Variants in KIRREL3 observed in about 807,000 individuals in gnomAD.
The protein encoded by KIRREL3 is kirre like nephrin family adhesion molecule 3.
In KIRREL3, 36 loss-of-function variants were observed where a neutral mutation model predicts 89.7. The ratio of observed to expected loss-of-function variants is 0.40; its 90% confidence interval spans 0.31 to 0.53. The LOEUF is 0.53. Ranked by LOEUF, KIRREL3 falls within the 20% of genes least tolerant of loss-of-function variation. The pLI is 0.49. For missense variants in KIRREL3, 864 were observed against 1,056.6 expected (o/e 0.82, Z 2.53); for synonymous variants, 445 against 441.4 (o/e 1.01, Z -0.10).
intron 1 of KIRREL3, among the ~76,000 whole-genome samples, chr11:126,926,525 G>A (rs950412918): frequency 2.6e-5 from 4 of 152,178 alleles, no homozygotes; most frequent in African/African-American, 9.7e-5. Context: ...CTGGTACTAT[G>A]AGGGGTGACT....
At chr11:126,738,333 G>A (rs914519361) in intron 1 of KIRREL3, among the ~76,000 whole-genome samples, 1 of 152,030 alleles carries the variant, frequency 6.6e-6, no homozygotes, top group South Asian at 2.1e-4. Flanking sequence ...GCAGGTGAGC[G>A]CTCTCTTGCT....
At chr11:126,932,785 C>A (rs972095792) in intron 1 of KIRREL3, among the ~76,000 whole-genome samples, 1 of 152,198 alleles carries the variant, frequency 6.6e-6, no homozygotes, top group South Asian at 2.1e-4. Flanking sequence ...ATTGTAATTG[C>A]TTGAGATTTC....
intron 4 of KIRREL3, among the ~76,000 whole-genome samples, chr11:126,511,251 G>A (rs904061546): frequency 6.6e-6 from 1 of 152,008 alleles, no homozygotes; most frequent in Non-Finnish European, 1.5e-5. Context: ...TTGAACCTGG[G>A]AGGCAGAGGT....
At chr11:126,534,930 G>T (rs1458381594) in intron 2 of KIRREL3, among the ~76,000 whole-genome samples, 2 of 152,192 alleles carry the variant, frequency 1.3e-5, no homozygotes, top group Non-Finnish European at 2.9e-5. Context: ...GTCCTGATGG[G>T]CCACGTGGCG....
chr11:126,704,039 C>G lies in KIRREL3; in HGVS notation c.56-141127G>C, dbSNP rs559307342. Among the ~76,000 whole-genome samples the G allele has an allele frequency of 6.6e-6, 1 of 152,154 alleles. No individual in the cohort carries two copies. Among genetic ancestry groups the G allele is most frequent in the Non-Finnish European group, 1.5e-5 (1 of 68,020 alleles). ...GATGTTGCTACCAGAATCATTCCCC[C>G]CTTCTCTTATTTATATACACTCACA... is the stretch of plus-strand genomic sequence containing the variant. On this transcript the variant is annotated intron_variant, in intron 1 of 16. Coordinates refer to ENST00000525144, the MANE Select transcript of KIRREL3 (RefSeq NM_032531.4). This position sits in a 1 kb window ranked among gnomAD's most constrained non-coding sequence, Gnocchi z 4.2.
rs545619704 is a variant in KIRREL3 at position 126,569,670 on chromosome 11, T to C, written c.56-6758A>G. Among the ~76,000 whole-genome samples the C allele has an allele frequency of 6.6e-6, 1 of 152,332 alleles. No individual in the cohort carries two copies. The highest frequency in any genetic ancestry group is 2.1e-4 in the South Asian group (1 of 4,830). The stretch of plus-strand genomic sequence containing the variant: ...AGGCAGCACGCAAGTTATTTCTGCA[T>C]GAATGGCAATTCTTACTGCAGGAGT... On this transcript the variant is annotated intron_variant, in intron 1 of 16. Transcript: ENST00000525144. The surrounding 1 kb of genome is among the most constrained non-coding windows in gnomAD (Gnocchi z 6.5).
At chr11:126,538,771 C>T (rs890024461) in intron 2 of KIRREL3, among the ~76,000 whole-genome samples, 1 of 152,124 alleles carries the variant, frequency 6.6e-6, no homozygotes, top group Admixed American at 6.5e-5. Flanking sequence ...TCTCCAAGTC[C>T]CCAGGTTGGG....
rs1291526873 is a variant in KIRREL3 at position 126,579,009 on chromosome 11, A to G, written c.56-16097T>C. On this transcript the variant is annotated intron_variant, in intron 1 of 16. Coordinates refer to ENST00000525144, the MANE Select transcript of KIRREL3 (RefSeq NM_032531.4). This position sits in a 1 kb window ranked among gnomAD's most constrained non-coding sequence, Gnocchi z 5.3. ...CAAGGCGAGACAACTGTTTGAGGCCACACAGCAACAGAACCAGACCTCGAT... is the reference window on the plus strand; with the variant it reads ...CAAGGCGAGACAACTGTTTGAGGCCGCACAGCAACAGAACCAGACCTCGAT... 3.3e-5 allele frequency among the ~76,000 whole-genome samples: 5 copies of G among 152,248 alleles called. No homozygotes were observed. In the East Asian group the frequency reaches 7.8e-4, roughly 24 times the overall value.
chr11:126,521,345 G>A lies in KIRREL3; in HGVS notation c.403C>T (p.Arg135Cys), dbSNP rs1173222706. Residue 135 changes from arginine to cysteine, a missense_variant, in exon 4 of 17, where the codon CGC becomes TGC. Coordinates refer to ENST00000525144, the MANE Select transcript of KIRREL3 (RefSeq NM_032531.4). The surrounding 1 kb of genome is among the most constrained non-coding windows in gnomAD (Gnocchi z 4.1). ...ACTGTGAGGCGTGCGGGGCGGGAGC[G>A]GATGGCGGCCTGGATGGCCTGGCAC... is the stretch of plus-strand genomic sequence containing the variant. The part of the protein sequence containing the change: ...YECQAIQAAI[R>C]SRPARLTVLV... 3 of 1,552,988 alleles carry A rather than the reference G, an allele frequency of 1.9e-6. No individual in the cohort carries two copies. The highest frequency in any genetic ancestry group is 2.4e-5 in the East Asian group (1 of 41,086).
At chr11:126,533,223 T>C (rs1958996397) in intron 2 of KIRREL3, among the ~76,000 whole-genome samples, 1 of 152,206 alleles carries the variant, frequency 6.6e-6, no homozygotes, top group Non-Finnish European at 1.5e-5. Flanking sequence ...TACGTGAAGA[T>C]GAGGTTGTCT....
chr11:126,453,165 A>C (rs2134224195), intron 7 of KIRREL3, among the ~76,000 whole-genome samples: 1 of 151,570 alleles, frequency 6.6e-6, no homozygotes, highest in South Asian at 2.1e-4. Flanking sequence ...GAACAAATGT[A>C]AGAGGATTAA....
At chr11:126,446,708 C>T (rs1955828779) in intron 9 of KIRREL3, 51 bp downstream of exon 9, 4 of 1,550,488 alleles carry the variant, frequency 2.6e-6, no homozygotes, top group Non-Finnish European at 3.5e-6. Flanking sequence ...TCTTGCTCCA[C>T]TGTCCCCGCC....
intron 4 of KIRREL3, among the ~76,000 whole-genome samples, chr11:126,507,772 C>A (rs7123364): frequency 0.37 from 55,639 of 152,016 alleles, 11,105 homozygotes; most frequent in African/African-American, 0.51. Flanking sequence ...TCTTAGCAGA[C>A]CTGTTGCCCA....
chr11:126,481,837 T>A (rs1957225700), intron 4 of KIRREL3, among the ~76,000 whole-genome samples: 1 of 152,220 alleles, frequency 6.6e-6, no homozygotes, highest in African/African-American at 2.4e-5. Flanking sequence ...TCACCCACCA[T>A]GTGCTGAATG....
At position 126,578,685 on chromosome 11, in the gene KIRREL3, C is replaced by A. The variant is rs892152963; in HGVS notation, c.56-15773G>T. On this transcript the variant is annotated intron_variant, in intron 1 of 16. Coordinates refer to ENST00000525144, the MANE Select transcript of KIRREL3 (RefSeq NM_032531.4). This position sits in a 1 kb window ranked among gnomAD's most constrained non-coding sequence, Gnocchi z 4.9. ...GCCTCACACCCATGGAGAGTTCTCG[C>A]AATGGGTATGGCAAACTTCCTGACC... is the stretch of plus-strand genomic sequence containing the variant. Among the ~76,000 whole-genome samples the A allele has an allele frequency of 6.6e-6, 1 of 152,128 alleles. No homozygotes were observed. Among genetic ancestry groups the A allele is most frequent in the Non-Finnish European group, 1.5e-5 (1 of 68,032 alleles).
At position 126,990,681 on chromosome 11, in the gene KIRREL3, C is replaced by T. The variant is rs1024276194; in HGVS notation, c.55+9774G>A. On this transcript the variant is annotated intron_variant, in intron 1 of 16. Coordinates refer to ENST00000525144, the MANE Select transcript of KIRREL3 (RefSeq NM_032531.4). The surrounding 1 kb of genome is among the most constrained non-coding windows in gnomAD (Gnocchi z 6.3). ...TCCGCAGTTGCCCCTCACTCAGGTG[C>T]AGCTTCCTATGTAAGAAAAAGGCTT... 1.3e-5 allele frequency among the ~76,000 whole-genome samples: 2 copies of T among 152,242 alleles called. No individual in the cohort carries two copies. Among genetic ancestry groups the T allele is most frequent in the Admixed American group, 6.5e-5 (1 of 15,290 alleles).
intron 1 of KIRREL3, among the ~76,000 whole-genome samples, chr11:126,878,516 T>G (rs982491577): frequency 1.3e-5 from 2 of 152,094 alleles, no homozygotes; most frequent in Non-Finnish European, 2.9e-5. Flanking sequence ...AAAGTGCATT[T>G]TAACCCATAT....
At chr11:126,673,837 C>G (rs376991252) in intron 1 of KIRREL3, among the ~76,000 whole-genome samples, 1 of 152,234 alleles carries the variant, frequency 6.6e-6, no homozygotes, top group South Asian at 2.1e-4. Flanking sequence ...GGATGTTCCT[C>G]CCTCCACATT....
chr11:126,968,321 C>A (rs1184382432), intron 1 of KIRREL3, among the ~76,000 whole-genome samples: 4 of 151,874 alleles, frequency 2.6e-5, no homozygotes, highest in African/African-American at 9.7e-5. Context: ...AGGCAATAAC[C>A]AGAACATGGT....
Sources: allele counts gnomAD v4.1 joint callset (sites outside exome capture counted in the v4.1 genomes callset), GRCh38; gene constraint gnomAD v4.1.1; non-coding constraint Gnocchi (gnomAD v3.1); transcripts MANE v1.5; gene names NCBI Gene and HGNC (gene_info 2026-07-23, HGNC 2026-07-21).